LUZP2: variants seen among roughly 807,000 people sequenced by gnomAD.
The protein encoded by LUZP2 is leucine zipper protein 2.
LUZP2 carries 52 observed loss-of-function variants against 51.6 expected under a neutral mutation model. That is an observed-to-expected ratio of 1.01 (90% CI 0.81 to 1.27). LUZP2 has a LOEUF of 1.27. Among genes scored for constraint, LUZP2 ranks in the 50% most tolerant of loss-of-function variants. The pLI is 0.00. For missense variants in LUZP2, 436 were observed against 395.4 expected (o/e 1.10, Z -0.87); for synonymous variants, 154 against 137.3 (o/e 1.12, Z -0.85).
chr11:24,565,338 A>G (rs917475511), intron 1 of LUZP2, among the ~76,000 whole-genome samples: 11 of 152,288 alleles, frequency 7.2e-5, no homozygotes, highest in African/African-American at 2.6e-4. Context: ...CCCAAAAGAG[A>G]ACCAAAACAC....
chr11:24,581,075 T>C (rs1852835434), intron 1 of LUZP2, among the ~76,000 whole-genome samples: 1 of 151,912 alleles, frequency 6.6e-6, no homozygotes, highest in South Asian at 2.1e-4. Context: ...CTCAGTCTTG[T>C]ACAGCATAAT....
At chr11:24,650,691 G>A (rs555946542) in intron 1 of LUZP2, among the ~76,000 whole-genome samples, 35 of 152,088 alleles carry the variant, frequency 2.3e-4, no homozygotes, top group African/African-American at 7.0e-4. Flanking sequence ...ACATAATCCC[G>A]TGAGATTTCG....
At chr11:24,617,192 TC>T (rs1470013161) in intron 1 of LUZP2, among the ~76,000 whole-genome samples, 3 of 150,928 alleles carry the variant, frequency 2.0e-5, no homozygotes, top group Non-Finnish European at 4.4e-5. Flanking sequence ...TTGGATAATT[TC>T]TATCAATCTT....
intron 9 of LUZP2, among the ~76,000 whole-genome samples, chr11:25,029,823 A>G (rs1054793073): frequency 4.6e-5 from 7 of 151,518 alleles, no homozygotes; most frequent in African/African-American, 1.7e-4. Context: ...TGCTTTACAT[A>G]TACACATTTT....
At chr11:24,824,694 A>G (rs1035971528) in intron 5 of LUZP2, among the ~76,000 whole-genome samples, 5 of 152,050 alleles carry the variant, frequency 3.3e-5, no homozygotes, top group Admixed American at 6.6e-5. Flanking sequence ...ATTTTATATG[A>G]TCACACATAT....
intron 4 of LUZP2, 90 bp from the exon 5 acceptor site, chr11:24,763,156 A>G: frequency 1.6e-6 from 1 of 643,474 alleles, no homozygotes; most frequent in Non-Finnish European, 2.4e-6. Flanking sequence ...TTAATAAATA[A>G]TTTATTATTT....
intron 9 of LUZP2, among the ~76,000 whole-genome samples, chr11:24,987,120 T>G (rs1402073952): frequency 6.6e-6 from 1 of 151,882 alleles, no homozygotes; most frequent in East Asian, 1.9e-4. Flanking sequence ...CATTAGCATA[T>G]GTTGTGGTGC....
intron 6 of LUZP2, among the ~76,000 whole-genome samples, 170 bp downstream of exon 6, chr11:24,906,223 C>A (rs1853447607): frequency 6.7e-6 from 1 of 150,274 alleles, no homozygotes; most frequent in Non-Finnish European, 1.5e-5. Context: ...TGTGTTTTAA[C>A]ATTGCAATAG....
At chr11:25,062,982 T>C (rs914837048) in intron 10 of LUZP2, among the ~76,000 whole-genome samples, 2 of 151,692 alleles carry the variant, frequency 1.3e-5, no homozygotes, top group Non-Finnish European at 3.0e-5. Context: ...TTTTCTTTTT[T>C]TGTTTGTTCA....
rs180868360 is a variant in LUZP2 at position 24,944,831 on chromosome 11, C to T, written c.522+30293C>T. ...TCAGAGCTGAAAGACATGCCTAAGT[C>T]AAGTATTAGAATGCCTTCTGTTGCA... On this transcript the variant is annotated intron_variant, in intron 7 of 11. Transcript: ENST00000336930. Among the ~76,000 whole-genome samples, 356 of 152,264 alleles carry T rather than the reference C, an allele frequency of 2.3e-3. 2 individuals are homozygous for T. The highest frequency in any genetic ancestry group is 0.02 in the Admixed American group (302 of 15,298).
chr11:25,018,037 GT>G (rs1410360304), intron 9 of LUZP2, among the ~76,000 whole-genome samples: 1 of 131,096 alleles, frequency 7.6e-6, no homozygotes, highest in African/African-American at 3.0e-5. Context: ...TTTTGTTTCT[GT>G]TTTTTTTTTG....
At chr11:24,644,311 T>A (rs1038348508) in intron 1 of LUZP2, among the ~76,000 whole-genome samples, 9 of 152,162 alleles carry the variant, frequency 5.9e-5, no homozygotes, top group Non-Finnish European at 1.0e-4. Context: ...CTTTCAGTAA[T>A]GGCCTACAAG....
intron 1 of LUZP2, among the ~76,000 whole-genome samples, chr11:24,649,974 G>GAC (rs748914786): frequency 2.4e-5 from 3 of 126,682 alleles, no homozygotes; most frequent in African/African-American, 1.1e-4. Context: ...CATACACACA[G>GAC]AGACACACAC....
chr11:24,554,545 A>G (rs1371490742), intron 1 of LUZP2, among the ~76,000 whole-genome samples: 1 of 152,002 alleles, frequency 6.6e-6, no homozygotes, highest in South Asian at 2.1e-4. Flanking sequence ...ATAATGCGTA[A>G]TCTCTAGATG....
intron 4 of LUZP2, among the ~76,000 whole-genome samples, chr11:24,758,994 A>G (rs35270801): frequency 0.11 from 17,148 of 152,138 alleles, 1,091 homozygotes; most frequent in African/African-American, 0.14. Context: ...CTGTTTAAAA[A>G]TACTCTTTAT....
chr11:24,794,069 C>A (rs1265745573), intron 5 of LUZP2, among the ~76,000 whole-genome samples: 1 of 151,964 alleles, frequency 6.6e-6, no homozygotes, highest in Non-Finnish European at 1.5e-5. Context: ...AAATATAATG[C>A]CTTTAAAATG....
chr11:24,750,945 A>G (rs1310261726), intron 4 of LUZP2, among the ~76,000 whole-genome samples: 1 of 152,160 alleles, frequency 6.6e-6, no homozygotes, highest in Non-Finnish European at 1.5e-5. Context: ...CACTTTTATA[A>G]TCAAAATATA....
rs12225225 is a variant in LUZP2, at chr11:24,606,737, G to C, written c.62+109432G>C. On this transcript the variant is annotated intron_variant, in intron 1 of 11. Transcript: ENST00000336930. ...TTGAGGAAACTTCATACTGTTTTTC[G>C]TATTGATTATACCAGTTTACACTTC... 2.6e-5 allele frequency among the ~76,000 whole-genome samples: 4 copies of C among 151,800 alleles called. 1 individual carries two copies. The highest frequency in any genetic ancestry group is 2.6e-4 in the Admixed American group (4 of 15,216).
intron 6 of LUZP2, among the ~76,000 whole-genome samples, chr11:24,907,344 A>G (rs1269237235): frequency 2.0e-5 from 3 of 151,900 alleles, no homozygotes; most frequent in African/African-American, 4.8e-5. Context: ...ATAACATGCA[A>G]TGTAACAATC....
Sources: allele counts gnomAD v4.1 joint callset (sites outside exome capture counted in the v4.1 genomes callset), GRCh38; gene constraint gnomAD v4.1.1; transcripts MANE v1.5; gene names NCBI Gene and HGNC (gene_info 2026-07-23, HGNC 2026-07-21).